COL11A2: variants seen among roughly 807,000 people sequenced by gnomAD.
COL11A2 encodes collagen alpha-2(XI) chain.
A neutral mutation model predicts 273.4 loss-of-function variants in COL11A2; 116 were observed. That is an observed-to-expected ratio of 0.42 (90% CI 0.36 to 0.49). COL11A2 has a LOEUF of 0.49. COL11A2 is among the 20% of genes least tolerant of loss of function. The pLI is 0.00. For missense variants in COL11A2, 1,866 were observed against 2,309.0 expected (o/e 0.81, Z 3.93); for synonymous variants, 782 against 864.2 (o/e 0.90, Z 1.67).
chr6:33,178,104 C>T lies in COL11A2; in HGVS notation c.1872+28G>A. ...AGTTGGAGAGGTCAAGGGGTCACCTCAGGGTCAGAAGTCAGGGAGTCACTT... is the reference window on the plus strand; with the variant it reads ...AGTTGGAGAGGTCAAGGGGTCACCTTAGGGTCAGAAGTCAGGGAGTCACTT... On this transcript the variant is annotated intron_variant, in intron 21 of 65. Coordinates refer to ENST00000341947, the MANE Select transcript of COL11A2 (RefSeq NM_080680.3). The surrounding 1 kb of genome is among the most constrained non-coding windows in gnomAD (Gnocchi z 4.6). The T allele has an allele frequency of 6.2e-7, 1 of 1,602,446 alleles. No homozygotes were observed. The highest frequency in any genetic ancestry group is 8.5e-7 in the Non-Finnish European group (1 of 1,173,402).
chr6:33,170,213 G>T lies in COL11A2; in HGVS notation c.3582+113C>A. 1 of 1,567,612 alleles carries T rather than the reference G, an allele frequency of 6.4e-7. No individual in the cohort carries two copies. The highest frequency in any genetic ancestry group is 2.3e-5 in the East Asian group (1 of 44,344). On this transcript the variant is annotated intron_variant, in intron 48 of 65. Transcript: ENST00000341947. The surrounding 1 kb of genome is among the most constrained non-coding windows in gnomAD (Gnocchi z 4.3). Reference sequence around the variant, plus strand: ...AGCAGTGAGGCAGTGGAGGCCTCCCGGGAGTAAGGGCTTCTCTTGGCCCCT... The same window carrying T: ...AGCAGTGAGGCAGTGGAGGCCTCCCTGGAGTAAGGGCTTCTCTTGGCCCCT...
rs778823470 is a variant in COL11A2 at position 33,175,981 on chromosome 6, C to T, written c.2268+35G>A. ...TCTCCAGAGTGGAGGCTCAGTAGAA[C>T]ACGGAATTGGGGCCAGTGTGGGGTC... On this transcript the variant is annotated intron_variant, in intron 29 of 65. Transcript: ENST00000341947. 3.7e-6 allele frequency: 6 copies of T among 1,612,216 alleles called. No homozygotes were observed. The South Asian group carries it at 6.6e-5, about 18-fold the overall frequency.
chr6:33,169,596 C>A lies in COL11A2; in HGVS notation c.3691-106G>T. The A allele has an allele frequency of 8.5e-7, 1 of 1,180,692 alleles. No homozygotes were observed. The highest frequency in any genetic ancestry group is 1.2e-6 in the Non-Finnish European group (1 of 802,132). 73.1% of individuals were successfully genotyped at this position (1,180,692 alleles called of 1,614,324 possible). On this transcript the variant is annotated intron_variant, in intron 50 of 65. Transcript: ENST00000341947. This position sits in a 1 kb window ranked among gnomAD's most constrained non-coding sequence, Gnocchi z 5.5. Reference sequence around the variant, plus strand: ...AGCCATCCCCTACTCCCCTCAGTGACAATGGGACATACACAGAAAGTCAAG... The same window carrying A: ...AGCCATCCCCTACTCCCCTCAGTGAAAATGGGACATACACAGAAAGTCAAG...
chr6:33,172,998 A>G, intron 38 of COL11A2, 62 bp downstream of exon 38: 6 of 1,554,956 alleles, frequency 3.9e-6, no homozygotes, highest in Non-Finnish European at 5.3e-6. Flanking sequence ...TGACCGAGAG[A>G]AGAGGGGCAG....
Position 33,177,330 on chromosome 6 carries a change from T to C in COL11A2, c.1971+82A>G. ...CAAGGGCCTGAAACCCTTAATTTCCTGTATCCTTCCAGGGTCTCACCCATT... is the reference window on the plus strand; with the variant it reads ...CAAGGGCCTGAAACCCTTAATTTCCCGTATCCTTCCAGGGTCTCACCCATT... On this transcript the variant is annotated intron_variant, in intron 23 of 65. Coordinates refer to ENST00000341947, the MANE Select transcript of COL11A2 (RefSeq NM_080680.3). The surrounding 1 kb of genome is among the most constrained non-coding windows in gnomAD (Gnocchi z 5.9). 1 of 1,603,510 alleles carries C rather than the reference T, an allele frequency of 6.2e-7. No homozygotes were observed. Among genetic ancestry groups the C allele is most frequent in the Non-Finnish European group, 8.5e-7 (1 of 1,172,246 alleles).
Position 33,173,366 on chromosome 6 carries a change from T to G in COL11A2, c.2718A>C (p.Pro906=), listed in dbSNP as rs769310840. 3 of 1,612,400 alleles carry G rather than the reference T, an allele frequency of 1.9e-6. No homozygotes were observed. Among genetic ancestry groups the G allele is most frequent in the Non-Finnish European group, 2.5e-6 (3 of 1,179,884 alleles). The change falls in exon 37 of 66, where the codon CCA becomes CCC. Residue 906 remains proline, a synonymous_variant. Transcript: ENST00000341947. This position sits in a 1 kb window ranked among gnomAD's most constrained non-coding sequence, Gnocchi z 6.3. ...PPGKDGLPGH[P]GQRGEVGFQG... is the part of the protein sequence containing the mutation. ...CACTCACCACTTCTCCTCTTTGGCC[T>G]GGGTGTCCCGGCAGCCCATCCTTCC... is the stretch of plus-strand genomic sequence containing the variant.
chr6:33,188,836 G>A (rs1562388305), intron 3 of COL11A2, 142 bp downstream of exon 3: 1 of 996,920 alleles, frequency 1.0e-6, no homozygotes, highest in East Asian at 2.4e-5. Context: ...CTCTGGACTA[G>A]AAGTGACTGA....
In COL11A2 at chr6:33,185,635, T is replaced by A. The variant is rs930127295; in HGVS notation, c.876+66A>T. 6 of 672,622 alleles carry A rather than the reference T, an allele frequency of 8.9e-6. 1 individual carries two copies. Among genetic ancestry groups the A allele is most frequent in the Admixed American group, 1.9e-5 (1 of 51,384 alleles). The allele number at this position is 672,622 out of a possible 1,614,324, so 41.7% of individuals were successfully genotyped here. A position where few individuals can be genotyped will look rare whatever the true frequency, so the allele number is the denominator to read the frequency against. ...CGGCATGGGGGAGGGGAGGAAGGTGTCCTAGGAGATGATTGCTGGGGGTGC... is the reference window on the plus strand; with the variant it reads ...CGGCATGGGGGAGGGGAGGAAGGTGACCTAGGAGATGATTGCTGGGGGTGC... On this transcript the variant is annotated intron_variant, in intron 6 of 65. Transcript: ENST00000341947.
chr6:33,184,106 C>T (rs774604700), intron 8 of COL11A2, 39 bp downstream of exon 8: 11 of 1,363,342 alleles, frequency 8.1e-6, no homozygotes, highest in Non-Finnish European at 1.1e-5. Flanking sequence ...GTAGCTCCCA[C>T]TGGTAGTCAA....
chr6:33,183,736 G>A (rs1367052730), intron 8 of COL11A2, among the ~76,000 whole-genome samples: 9 of 152,162 alleles, frequency 5.9e-5, no homozygotes, highest in East Asian at 1.9e-4. Flanking sequence ...AAGTTAGATC[G>A]TTTGGTAGAA....
chr6:33,188,622 G>T, intron 3 of COL11A2, 98 bp from the exon 4 acceptor site: 1 of 1,357,726 alleles, frequency 7.4e-7, no homozygotes, highest in Non-Finnish European at 1.1e-6. Flanking sequence ...AGCCAATGGT[G>T]ATAAGAGCAG....
rs116626305 is a variant in COL11A2 at position 33,183,895 on chromosome 6, T to A, written c.1119+250A>T. 0.15 allele frequency among the ~76,000 whole-genome samples: 21,700 copies of A among 145,376 alleles called. 2,063 individuals are homozygous for A. Among genetic ancestry groups the A allele is most frequent in the Admixed American group, 0.27 (3,946 of 14,824 alleles). The stretch of plus-strand genomic sequence containing the variant: ...AAGAAAGACAGGAAGTGGCTACATA[T>A]TTTTTTTTTTTAATTCCCAATTGCC... On this transcript the variant is annotated intron_variant, in intron 8 of 65. Coordinates refer to ENST00000341947, the MANE Select transcript of COL11A2 (RefSeq NM_080680.3).
rs1233005542 is a variant in COL11A2 at position 33,163,649 on chromosome 6, C to T, written c.*29G>A. Reference sequence around the variant, plus strand: ...GTGGGATTCCAGGTGGGCCTGGTTCCGAATGGACAGGATCAGACAGAGACG... The same window carrying T: ...GTGGGATTCCAGGTGGGCCTGGTTCTGAATGGACAGGATCAGACAGAGACG... On this transcript the variant is annotated 3_prime_UTR_variant, in exon 66 of 66. Coordinates refer to ENST00000341947, the MANE Select transcript of COL11A2 (RefSeq NM_080680.3). The surrounding 1 kb of genome is among the most constrained non-coding windows in gnomAD (Gnocchi z 4.1). The T allele has an allele frequency of 3.7e-6, 6 of 1,612,786 alleles. No homozygotes were observed. Among genetic ancestry groups the T allele is most frequent in the East Asian group, 4.5e-5 (2 of 44,880 alleles).
Position 33,169,728 on chromosome 6 carries a change from T to G in COL11A2, c.3690+103A>C. ...GAGGATGGCAGGGAGCAGAGACTCT[T>G]GCTGCAGAGGAGTTCCAGCTCAAGG... On this transcript the variant is annotated intron_variant, in intron 50 of 65. Coordinates refer to ENST00000341947, the MANE Select transcript of COL11A2 (RefSeq NM_080680.3). The surrounding 1 kb of genome is among the most constrained non-coding windows in gnomAD (Gnocchi z 5.5). The G allele has an allele frequency of 7.1e-7, 1 of 1,417,084 alleles. No homozygotes were observed. Among genetic ancestry groups the G allele is most frequent in the African/African-American group, 1.4e-5 (1 of 71,102 alleles). 87.8% of individuals were successfully genotyped at this position (1,417,084 alleles called of 1,614,324 possible).
At position 33,173,710 on chromosome 6, in the gene COL11A2, AG is replaced by A; in HGVS notation, c.2618del (p.Pro873LeufsTer111). ...TTCGATCCACACTCACCCTCTCTCC[AG>A]GGGGCCCATGGGGGCCATCACCACC... ...TSGGDGPHGPPGERGLPGPQG... is the reference protein window; with the variant it reads ...TSGGDGPHGPXGERGLPGPQG... On this transcript the variant is annotated frameshift_variant, in exon 35 of 66. Coordinates refer to ENST00000341947, the MANE Select transcript of COL11A2 (RefSeq NM_080680.3). LOFTEE classifies it high-confidence loss of function. The surrounding 1 kb of genome is among the most constrained non-coding windows in gnomAD (Gnocchi z 6.3). 1 of 1,574,116 alleles carries A rather than the reference AG, an allele frequency of 6.4e-7. No homozygotes were observed. The highest frequency in any genetic ancestry group is 8.6e-7 in the Non-Finnish European group (1 of 1,158,788).
chr6:33,172,149 A>T (rs754661212), intron 40 of COL11A2, 46 bp from the exon 41 acceptor site: 2 of 1,608,378 alleles, frequency 1.2e-6, no homozygotes, highest in South Asian at 2.2e-5. Flanking sequence ...CGAAAAGAGA[A>T]GGGTGAGAGC....
Position 33,184,868 on chromosome 6 carries a change from T to C in COL11A2, c.939+124A>G, listed in dbSNP as rs1772171234. The C allele has an allele frequency of 5.2e-5, 41 of 790,750 alleles. 1 individual carries two copies. The South Asian group carries it at 6.0e-4, about 12-fold the overall frequency. 49.0% of individuals were successfully genotyped at this position (790,750 alleles called of 1,614,324 possible). A position where few individuals can be genotyped will look rare whatever the true frequency, so the allele number is the denominator to read the frequency against. On this transcript the variant is annotated intron_variant, in intron 7 of 65. Coordinates refer to ENST00000341947, the MANE Select transcript of COL11A2 (RefSeq NM_080680.3). The stretch of plus-strand genomic sequence containing the variant: ...GTGACCCAAAGACAGAGGCCATCGA[T>C]GGAAATGAGGAAGAACCCTCCGGCC...
In COL11A2 at chr6:33,170,501, G is replaced by A; in HGVS notation, c.3528+56C>T. ...GGCAGTGGGGTGTGGGGTGGGGGCT[G>A]GCCAGGGAGGGGGGTGACTAGTATG... is the stretch of plus-strand genomic sequence containing the variant. On this transcript the variant is annotated intron_variant, in intron 47 of 65. Coordinates refer to ENST00000341947, the MANE Select transcript of COL11A2 (RefSeq NM_080680.3). The surrounding 1 kb of genome is among the most constrained non-coding windows in gnomAD (Gnocchi z 4.3). The A allele has an allele frequency of 6.3e-7, 1 of 1,598,074 alleles. No homozygotes were observed. Among genetic ancestry groups the A allele is most frequent in the Non-Finnish European group, 8.6e-7 (1 of 1,168,906 alleles).
In COL11A2 at chr6:33,176,744, G is replaced by T. The variant is rs1352609430; in HGVS notation, c.2092C>A (p.Pro698Thr). 1 of 1,613,146 alleles carries T rather than the reference G, an allele frequency of 6.2e-7. No individual in the cohort carries two copies. The highest frequency in any genetic ancestry group is 1.3e-5 in the African/African-American group (1 of 74,872). The change falls in exon 26 of 66, where the codon CCC becomes ACC. Residue 698 changes from proline (P) to threonine (T), a missense_variant. Coordinates refer to ENST00000341947, the MANE Select transcript of COL11A2 (RefSeq NM_080680.3). This position sits in a 1 kb window ranked among gnomAD's most constrained non-coding sequence, Gnocchi z 4.9. ...ACCTGGTTTCCTTTGGTTCCAGGGG[G>T]ACCTTCCTTCCCTGGGTGACCCTGG... The part of the protein sequence containing the change: ...GPPGHPGKEG[P>T]PGTKGNQGPS...
Sources: allele counts gnomAD v4.1 joint callset (sites outside exome capture counted in the v4.1 genomes callset), GRCh38; gene constraint gnomAD v4.1.1; non-coding constraint Gnocchi (gnomAD v3.1); transcripts MANE v1.5; gene names NCBI Gene and HGNC (gene_info 2026-07-23, HGNC 2026-07-21).